The following C12orf54 variants were observed in gnomAD, a reference collection of about 807,000 sequenced individuals.
C12orf54 encodes the protein uncharacterized protein C12orf54.
A neutral mutation model predicts 26.4 loss-of-function variants in C12orf54; 24 were observed. That is an observed-to-expected ratio of 0.91 (90% CI 0.66 to 1.28). C12orf54 has a LOEUF of 1.28. Among genes scored for constraint, C12orf54 ranks in the 50% most tolerant of loss-of-function variants. The probability of loss-of-function intolerance (pLI) is 0.00; values close to 1 mark genes in which losing one functional copy is unlikely to be tolerated. For synonymous variants in C12orf54, 54 were observed against 47.0 expected (o/e 1.15, Z -0.61); for missense variants, 154 against 150.9 (o/e 1.02, Z -0.11).
chr12:48,492,190 G>A (rs554571617), intron 6 of C12orf54, among the ~76,000 whole-genome samples: 12 of 152,216 alleles, frequency 7.9e-5, no homozygotes, highest in African/African-American at 2.4e-4. Flanking sequence ...GCAGCAAAAC[G>A]GAGTTCGTTA....
the C12orf54 span, among the ~76,000 whole-genome samples, chr12:48,440,638 G>A: frequency 4.1e-4 from 62 of 152,132 alleles, no homozygotes; most frequent in Non-Finnish European, 7.3e-5. Flanking sequence ...ATCATCTCTG[G>A]TTATACATAG....
chr12:48,488,176 A>G (rs910980230), intron 4 of C12orf54: 10 of 735,282 alleles, frequency 1.4e-5, no homozygotes, highest in Admixed American at 7.3e-5. Context: ...GGTATCCAGT[A>G]TCTCCATGAT....
At chr12:48,426,388 G>C in the C12orf54 span, among the ~76,000 whole-genome samples, 3 of 152,216 alleles carry the variant, frequency 2.0e-5, no homozygotes, top group Middle Eastern at 6.8e-3. Context: ...AGATCAGACA[G>C]TTGTAGGTTT....
At chr12:48,463,561 A>G in the C12orf54 span, among the ~76,000 whole-genome samples, 1 of 151,990 alleles carries the variant, frequency 6.6e-6, no homozygotes, top group Non-Finnish European at 1.5e-5. Context: ...CTCTCCAATC[A>G]TTCTATAAAG....
chr12:48,491,913 A>G (rs1937797927), intron 6 of C12orf54, among the ~76,000 whole-genome samples: 1 of 152,128 alleles, frequency 6.6e-6, no homozygotes, highest in Admixed American at 6.5e-5. Flanking sequence ...CTGAGATCTG[A>G]GGTTCTATAC....
chr12:48,421,669 A>G, the C12orf54 span, among the ~76,000 whole-genome samples: 17 of 152,086 alleles, frequency 1.1e-4, no homozygotes, highest in African/African-American at 3.9e-4. Context: ...AGCTGGGGCT[A>G]TAGGCGCACG....
chr12:48,478,532 T>G (rs1310129866), upstream of C12orf54, among the ~76,000 whole-genome samples: 3 of 152,172 alleles, frequency 2.0e-5, no homozygotes, highest in Admixed American at 2.0e-4. Context: ...CTCAAGCTGA[T>G]AAGCAACTTC....
chr12:48,486,348 G>A (rs1482732810), intron 3 of C12orf54, 140 bp downstream of exon 3: 5 of 807,174 alleles, frequency 6.2e-6, no homozygotes, highest in East Asian at 2.6e-5. Context: ...GGCTGGTGGA[G>A]TGGGTCATTG....
the C12orf54 span, chr12:48,442,366 A>T: frequency 6.5e-6 from 1 of 152,984 alleles, no homozygotes; most frequent in African/African-American, 2.4e-5. Flanking sequence ...GCAGGGTGGT[A>T]AAACTTGCTG....
chr12:48,437,404 G>A, the C12orf54 span, among the ~76,000 whole-genome samples: 1 of 152,238 alleles, frequency 6.6e-6, no homozygotes, highest in East Asian at 1.9e-4. Context: ...CATTTTGTGA[G>A]GCCAGCATCA....
At chr12:48,446,699 G>T in the C12orf54 span, among the ~76,000 whole-genome samples, 1 of 151,862 alleles carries the variant, frequency 6.6e-6, no homozygotes, top group African/African-American at 2.4e-5. Context: ...TGCCAATATT[G>T]CCATGTATTT....
the C12orf54 span, among the ~76,000 whole-genome samples, chr12:48,464,887 C>A: frequency 2.9e-3 from 441 of 152,140 alleles, 2 homozygotes; most frequent in African/African-American, 9.9e-3. Flanking sequence ...TGAAATTGAA[C>A]CCCTCCCTTA....
chr12:48,434,542 C>T, the C12orf54 span, among the ~76,000 whole-genome samples: 250 of 152,248 alleles, frequency 1.6e-3, no homozygotes, highest in African/African-American at 5.6e-3. Context: ...CTCACACGGC[C>T]GGGTACTCCT....
the C12orf54 span, among the ~76,000 whole-genome samples, chr12:48,476,457 G>C: frequency 2.6e-5 from 4 of 152,122 alleles, no homozygotes; most frequent in Non-Finnish European, 5.9e-5. Context: ...TGGCAAATTG[G>C]ATAAAGAGTC....
the C12orf54 span, among the ~76,000 whole-genome samples, chr12:48,464,901 A>G: frequency 1.3e-5 from 2 of 152,078 alleles, no homozygotes; most frequent in African/African-American, 4.8e-5. Flanking sequence ...TCCCTTACAT[A>G]TACAAAAATT....
chr12:48,461,149 G>A, the C12orf54 span, among the ~76,000 whole-genome samples: 3 of 151,850 alleles, frequency 2.0e-5, no homozygotes, highest in Non-Finnish European at 2.9e-5. Context: ...GTAGATTCAG[G>A]AGCAAAGAAA....
chr12:48,425,359 A>C, the C12orf54 span, among the ~76,000 whole-genome samples: 1 of 152,120 alleles, frequency 6.6e-6, no homozygotes, highest in African/African-American at 2.4e-5. Flanking sequence ...TAGTTTGCTA[A>C]GGATAATGGT....
the C12orf54 span, among the ~76,000 whole-genome samples, chr12:48,459,786 C>T: frequency 6.6e-6 from 1 of 152,146 alleles, no homozygotes; most frequent in African/African-American, 2.4e-5. Context: ...TCCAGGTGTC[C>T]TTGTCCAGCA....
chr12:48,460,013 A>C, the C12orf54 span, among the ~76,000 whole-genome samples: 1 of 152,210 alleles, frequency 6.6e-6, no homozygotes, highest in Non-Finnish European at 1.5e-5. Context: ...TTGTCTGGTC[A>C]AACTGGTACA....
Sources: allele counts gnomAD v4.1 joint callset (sites outside exome capture counted in the v4.1 genomes callset), GRCh38; gene constraint gnomAD v4.1.1; transcripts MANE v1.5; gene names NCBI Gene and HGNC (gene_info 2026-07-23, HGNC 2026-07-21).